The following ZNF609 variants were observed in gnomAD, a reference collection of about 807,000 sequenced individuals.
ZNF609 encodes zinc finger protein 609.
Under a neutral mutation model 109.5 loss-of-function variants are expected in ZNF609, and 11 were observed. That is an observed-to-expected ratio of 0.10 (90% confidence interval 0.06 to 0.17). The LOEUF is 0.17. Ranked by LOEUF, ZNF609 falls within the 10% of genes least tolerant of loss-of-function variation. The pLI is 1.00. For missense variants in ZNF609, 1,559 were observed against 1,772.4 expected, an observed-to-expected ratio of 0.88 and a Z score of 2.16; for synonymous variants, 646 against 662.0, an observed-to-expected ratio of 0.98 and a Z score of 0.37.
intron 2 of ZNF609, among the ~76,000 whole-genome samples, chr15:64,572,319 G>C (rs538074107): frequency 2.6e-5 from 4 of 152,186 alleles, no homozygotes; most frequent in Middle Eastern, 3.4e-3. Context: ...CCCATTGTGA[G>C]ACCTCATTCT....
chr15:64,652,575 C>T (rs909935035), intron 3 of ZNF609, among the ~76,000 whole-genome samples: 6 of 151,800 alleles, frequency 4.0e-5, no homozygotes, highest in Admixed American at 1.3e-4. Flanking sequence ...TTTGTAGGTA[C>T]GGGGGTTTTG....
At chr15:64,650,167 G>C (rs1245457150) in intron 3 of ZNF609, among the ~76,000 whole-genome samples, 1 of 151,618 alleles carries the variant, frequency 6.6e-6, no homozygotes, top group African/African-American at 2.4e-5. Context: ...ACTTTGGGAG[G>C]CCGAGGCCGG....
chr15:64,684,097 C>G lies in ZNF609; in HGVS notation c.*2411C>G, dbSNP rs538760964. Reference sequence around the variant, plus strand: ...CACCATGGCAGATCCTGATGCCTGCCGGGCCTAGTCTTCCCTCTGAAATAA... The same window carrying G: ...CACCATGGCAGATCCTGATGCCTGCGGGGCCTAGTCTTCCCTCTGAAATAA... On this transcript the variant is annotated 3_prime_UTR_variant, in exon 10 of 10. Coordinates refer to ENST00000326648, the MANE Select transcript of ZNF609 (RefSeq NM_015042.2). The G allele has an allele frequency of 6.6e-6, 1 of 152,206 alleles. No homozygotes were observed. Among genetic ancestry groups the G allele is most frequent in the African/African-American group, 2.4e-5 (1 of 41,434 alleles). The allele number at this position is 152,206 out of a possible 1,614,324, so 9.4% of individuals were successfully genotyped here.
chr15:64,528,696 G>A, intron 2 of ZNF609: 1 of 1,183,182 alleles, frequency 8.5e-7, no homozygotes, highest in Non-Finnish European at 1.2e-6. Flanking sequence ...TGGGCCATGA[G>A]GTGCACCACC....
chr15:64,570,999 C>A lies in ZNF609; in HGVS notation c.748-51828C>A, dbSNP rs1468272515. 2.0e-5 allele frequency among the ~76,000 whole-genome samples: 3 copies of A among 152,104 alleles called. No individual in the cohort carries two copies. In the South Asian group the frequency reaches 6.2e-4, roughly 32 times the overall value. ...CGGGATCATGCCACTGCACTCCAGC[C>A]GGGGCAACAGAGCGAGACTCTGTCT... On this transcript the variant is annotated intron_variant, in intron 2 of 9. Transcript: ENST00000326648.
At chr15:64,642,662 C>T (rs1472157111) in intron 3 of ZNF609, among the ~76,000 whole-genome samples, 1 of 152,114 alleles carries the variant, frequency 6.6e-6, no homozygotes, top group African/African-American at 2.4e-5. Context: ...AGGCAAGTGG[C>T]ACACTCCCGT....
At chr15:64,482,411 T>A (rs966896801) in intron 1 of ZNF609, among the ~76,000 whole-genome samples, 10 of 152,150 alleles carry the variant, frequency 6.6e-5, no homozygotes, top group African/African-American at 2.4e-4. Context: ...TTTTCTTGAT[T>A]AAATCAGTAA....
chr15:64,540,010 G>C (rs1894223893), intron 2 of ZNF609, among the ~76,000 whole-genome samples: 1 of 152,166 alleles, frequency 6.6e-6, no homozygotes, highest in Admixed American at 6.5e-5. Context: ...GGGCTCACGT[G>C]ATCCTCTTGC....
At position 64,588,729 on chromosome 15, in the gene ZNF609, C is replaced by G. The variant is rs574190077; in HGVS notation, c.748-34098C>G. 1.5e-3 allele frequency among the ~76,000 whole-genome samples: 234 copies of G among 151,316 alleles called. 1 individual carries two copies. The highest frequency in any genetic ancestry group is 5.3e-3 in the African/African-American group (220 of 41,254). ...CAATGGCAAATGGCAAACTCTGCCT[C>G]CAGGGTTCAAGCAATTCTCCTGCCT... On this transcript the variant is annotated intron_variant, in intron 2 of 9. Coordinates refer to ENST00000326648, the MANE Select transcript of ZNF609 (RefSeq NM_015042.2).
At chr15:64,670,457 T>G (rs1290671233) in intron 4 of ZNF609, 24 bp downstream of exon 4, 3 of 1,596,750 alleles carry the variant, frequency 1.9e-6, no homozygotes, top group East Asian at 4.5e-5. Context: ...GCTATTTAGT[T>G]TATATTATTC....
chr15:64,682,727 T>A lies in ZNF609; in HGVS notation c.*1041T>A, dbSNP rs1193250225. On this transcript the variant is annotated 3_prime_UTR_variant, in exon 10 of 10. Transcript: ENST00000326648. ...GCAGCCCCTGGGAGCACCCAGCAGTTCTTGGAGATGTCCTGTCATCTAGCC... is the reference window on the plus strand; with the variant it reads ...GCAGCCCCTGGGAGCACCCAGCAGTACTTGGAGATGTCCTGTCATCTAGCC... 2 of 152,464 alleles carry A rather than the reference T, an allele frequency of 1.3e-5. No homozygotes were observed. Among genetic ancestry groups the A allele is most frequent in the Admixed American group, 1.3e-4 (2 of 15,272 alleles). The allele number at this position is 152,464 out of a possible 1,614,324, so 9.4% of individuals were successfully genotyped here.
At position 64,625,932 on chromosome 15, in the gene ZNF609, TATATAG is replaced by T. The variant is rs1240123916; in HGVS notation, c.973+2882_973+2887del. On this transcript the variant is annotated intron_variant, in intron 3 of 9. Transcript: ENST00000326648. Reference sequence around the variant, plus strand: ...AAAAAAAAATATATATATATATATATATATAGAGAGAGAGAGAGAGAGAGAGAGAGA... The same window carrying T: ...AAAAAAAAATATATATATATATATATAGAGAGAGAGAGAGAGAGAGAGAGA... Among the ~76,000 whole-genome samples the T allele has an allele frequency of 8.7e-3, 649 of 74,570 alleles. 1 individual carries two copies. Among genetic ancestry groups the T allele is most frequent in the Non-Finnish European group, 0.013 (524 of 39,092 alleles). 48.9% of individuals were successfully genotyped at this position (74,570 alleles called of 152,430 possible).
intron 3 of ZNF609, among the ~76,000 whole-genome samples, chr15:64,647,197 A>C (rs1049477604): frequency 6.6e-6 from 1 of 151,980 alleles, no homozygotes; most frequent in Non-Finnish European, 1.5e-5. Flanking sequence ...ATACATGTTA[A>C]GTGAAATAAG....
At chr15:64,496,819 C>CT (rs574329418) in intron 1 of ZNF609, among the ~76,000 whole-genome samples, 2,535 of 145,952 alleles carry the variant, frequency 0.017, 58 homozygotes, top group African/African-American at 0.055. Flanking sequence ...TTTTTTCTTT[C>CT]TTTTTTTTTT....
chr15:64,650,550 A>G (rs1896401808), intron 3 of ZNF609, among the ~76,000 whole-genome samples: 1 of 152,224 alleles, frequency 6.6e-6, no homozygotes, highest in African/African-American at 2.4e-5. Flanking sequence ...GATAAAAGTT[A>G]GATTAACATT....
chr15:64,558,052 G>A (rs1894619343), intron 2 of ZNF609, among the ~76,000 whole-genome samples: 1 of 152,152 alleles, frequency 6.6e-6, no homozygotes, highest in Admixed American at 6.6e-5. Flanking sequence ...ATCATACATA[G>A]ACTATTGCTT....
At chr15:64,463,931 G>C (rs550943048) in intron 1 of ZNF609, among the ~76,000 whole-genome samples, 1 of 152,238 alleles carries the variant, frequency 6.6e-6, no homozygotes, top group South Asian at 2.1e-4. Flanking sequence ...GATTAAATTT[G>C]TCCTGATTAG....
intron 2 of ZNF609, among the ~76,000 whole-genome samples, chr15:64,571,559 A>G (rs1015540545): frequency 7.9e-5 from 12 of 152,172 alleles, no homozygotes; most frequent in Admixed American, 4.6e-4. Context: ...CAGCAACCGT[A>G]TAAGTTAAGT....
chr15:64,532,979 T>C (rs1437516719), intron 2 of ZNF609, among the ~76,000 whole-genome samples: 1 of 152,132 alleles, frequency 6.6e-6, no homozygotes, highest in East Asian at 1.9e-4. Context: ...TTTCTCTATT[T>C]GAGAAACTAG....
Sources: allele counts gnomAD v4.1 joint callset (sites outside exome capture counted in the v4.1 genomes callset), GRCh38; gene constraint gnomAD v4.1.1; transcripts MANE v1.5; gene names NCBI Gene and HGNC (gene_info 2026-07-23, HGNC 2026-07-21).